The following ATG4A variants were observed in gnomAD, a reference collection of about 807,000 sequenced individuals.
ATG4A encodes the protein autophagy related 4A cysteine peptidase, also known as cysteine protease ATG4A.
ATG4A carries 22 observed loss-of-function variants against 38.4 expected under a neutral mutation model. That is an observed-to-expected ratio of 0.57 (90% confidence interval 0.41 to 0.82). The LOEUF is 0.82. Ranked by LOEUF, ATG4A falls within the 40% of genes least tolerant of loss-of-function variation. The pLI is 0.00. For missense variants in ATG4A, 220 were observed against 290.0 expected, an observed-to-expected ratio of 0.76 and a Z score of 1.75; for synonymous variants, 86 against 100.7, an observed-to-expected ratio of 0.85 and a Z score of 0.88.
At chrX:108,124,441 T>A (rs1360017355) in intron 1 of ATG4A, among the ~76,000 whole-genome samples, 1 of 111,821 alleles carries the variant, frequency 8.9e-6, no homozygotes, top group African/African-American at 3.2e-5. Flanking sequence ...CAGTGTTTCT[T>A]TTTCTTTTTC....
upstream of ATG4A, chrX:108,091,692 C>G: frequency 1.0e-6 from 1 of 972,281 alleles, no homozygotes; most frequent in South Asian, 2.0e-5. Flanking sequence ...AGAGCAGTTC[C>G]GGGCAGGGAG....
chrX:108,100,565 T>C (rs549987509), intron 1 of ATG4A, among the ~76,000 whole-genome samples: 2 of 111,349 alleles, frequency 1.8e-5, no homozygotes, highest in African/African-American at 6.5e-5. Flanking sequence ...GTAGTTTTTT[T>C]TGAAGTTTAG....
rs1339484821 is a variant in ATG4A at position 108,125,625 on chromosome X, C to A, written c.11-452C>A. ...CCATATACACAGGTGTACAAACATT[C>A]AGGCTTGTCACAGCACCTTCCAAGC... On this transcript the variant is annotated intron_variant, in intron 1 of 12. Coordinates refer to ENST00000372232, the MANE Select transcript of ATG4A (RefSeq NM_052936.5). 2.7e-5 allele frequency among the ~76,000 whole-genome samples: 3 copies of A among 111,756 alleles called. No homozygotes were observed. In the Admixed American group the frequency reaches 2.8e-4, roughly 11 times the overall value.
In ATG4A at chrX:108,100,824, T is replaced by A. The variant is rs190530296; in HGVS notation, c.10+8988T>A. On this transcript the variant is annotated intron_variant, in intron 1 of 12. Transcript: ENST00000372232. ...CATATTTGCTGGGGATATTTGCTTC[T>A]ATTCATGAATGATATTGGCTTGCAA... is the stretch of plus-strand genomic sequence containing the variant. Among the ~76,000 whole-genome samples the A allele has an allele frequency of 7.3e-4, 82 of 111,901 alleles. 2 individuals carry two copies. The East Asian group carries it at 0.021, about 29-fold the overall frequency.
At chrX:108,137,716 T>A (rs2033142205) in intron 7 of ATG4A, 88 bp from the exon 8 acceptor site, 3 of 941,970 alleles carry the variant, frequency 3.2e-6, no homozygotes, top group East Asian at 6.4e-5. Context: ...GTGGGGGGCA[T>A]GTGAGGTTCC....
intron 9 of ATG4A, among the ~76,000 whole-genome samples, chrX:108,143,390 G>A (rs191486528): frequency 1.4e-4 from 16 of 111,291 alleles, no homozygotes; most frequent in Non-Finnish European, 2.5e-4. Context: ...GGTCTGGGCC[G>A]TTTGTAGTCC....
rs372156541 is a variant in ATG4A at position 108,150,349 on chromosome X, T to A, written c.960+52T>A. On this transcript the variant is annotated intron_variant, in intron 10 of 12. Transcript: ENST00000372232. ...AGGAGATACGATGTGTACAGATTGG[T>A]TCCCTGGGAGTTATCCAGATTGCTA... The A allele has an allele frequency of 1.4e-5, 17 of 1,190,931 alleles. No individual in the cohort carries two copies. In the African/African-American group the frequency reaches 2.8e-4, roughly 20 times the overall value.
intron 1 of ATG4A, among the ~76,000 whole-genome samples, chrX:108,124,840 AAAT>A (rs1304187835): frequency 1.8e-5 from 2 of 112,068 alleles, no homozygotes; most frequent in African/African-American, 6.5e-5. Flanking sequence ...AGAAAACAAA[AAAT>A]AAAATAAAAC....
chrX:108,132,368 C>T (rs1017184803), intron 4 of ATG4A, among the ~76,000 whole-genome samples: 1 of 112,099 alleles, frequency 8.9e-6, no homozygotes, highest in Non-Finnish European at 1.9e-5. Context: ...GGCTGCTGAA[C>T]TCATTGGCTG....
chrX:108,123,743 C>T (rs939447277), intron 1 of ATG4A, among the ~76,000 whole-genome samples: 1 of 111,748 alleles, frequency 8.9e-6, no homozygotes, highest in African/African-American at 3.3e-5. Context: ...TCTTTGGCTG[C>T]CATTTTGATC....
At chrX:108,112,857 T>G (rs982040055) in intron 1 of ATG4A, among the ~76,000 whole-genome samples, 25 of 111,355 alleles carry the variant, frequency 2.2e-4, no homozygotes, top group Non-Finnish European at 5.7e-5. Context: ...CCCCGAACAT[T>G]TAGTCTGTGT....
intron 6 of ATG4A, among the ~76,000 whole-genome samples, chrX:108,134,834 G>T (rs942298851): frequency 1.8e-5 from 2 of 111,891 alleles, no homozygotes; most frequent in African/African-American, 6.5e-5. Flanking sequence ...TGTTCATTCA[G>T]CATTTTCTGT....
chrX:108,096,635 A>G (rs2031828782), intron 1 of ATG4A, among the ~76,000 whole-genome samples: 1 of 111,317 alleles, frequency 9.0e-6, no homozygotes, highest in African/African-American at 3.3e-5. Context: ...GTCTTCTTTT[A>G]TAAACAGTAT....
At chrX:108,142,432 GCCAGAAC>G in intron 9 of ATG4A, among the ~76,000 whole-genome samples, 1 of 109,381 alleles carries the variant, frequency 9.1e-6, no homozygotes, top group African/African-American at 3.3e-5. Flanking sequence ...TCTCTAGAGG[GCCAGAAC>G]TAATGGAATA....
At chrX:108,127,835 G>A (rs1318542358) in intron 2 of ATG4A, among the ~76,000 whole-genome samples, 1 of 111,877 alleles carries the variant, frequency 8.9e-6, no homozygotes, top group Non-Finnish European at 1.9e-5. Flanking sequence ...AAGAAAGACA[G>A]CCACATCTAA....
At chrX:108,151,410 T>C (rs1307795035) in intron 10 of ATG4A, among the ~76,000 whole-genome samples, 4 of 112,553 alleles carry the variant, frequency 3.6e-5, no homozygotes, top group African/African-American at 1.3e-4. Flanking sequence ...AATGCCATCT[T>C]CTTAAGTATT....
rs764807813 is a variant in ATG4A at position 108,128,769 on chromosome X, A to G, written c.122-12A>G. On this transcript the variant is annotated splice_polypyrimidine_tract_variant and intron_variant, in intron 2 of 12. Transcript: ENST00000372232. ...TATGGTGATTTAATTTTAATTTTAC[A>G]TTTAATTACAGAAAAATCTAAGCTG... is the stretch of plus-strand genomic sequence containing the variant. 2 of 1,133,751 alleles carry G rather than the reference A, an allele frequency of 1.8e-6. No homozygotes were observed. The highest frequency in any genetic ancestry group is 2.7e-5 in the Admixed American group (1 of 37,678). 93.4% of individuals were successfully genotyped at this position (1,133,751 alleles called of 1,213,427 possible). A position where few individuals can be genotyped will look rare whatever the true frequency, so the allele number is the denominator to read the frequency against.
At chrX:108,096,461 C>G (rs747283304) in intron 1 of ATG4A, among the ~76,000 whole-genome samples, 1 of 111,527 alleles carries the variant, frequency 9.0e-6, no homozygotes, top group Non-Finnish European at 1.9e-5. Flanking sequence ...AAATACTTCT[C>G]TAGTTGATTA....
intron 1 of ATG4A, among the ~76,000 whole-genome samples, chrX:108,124,254 T>A (rs968318360): frequency 2.7e-5 from 3 of 111,752 alleles, no homozygotes; most frequent in African/African-American, 9.8e-5. Context: ...CTGTCAGATT[T>A]GGTAGTGATG....
Sources: allele counts gnomAD v4.1 joint callset (sites outside exome capture counted in the v4.1 genomes callset), GRCh38; gene constraint gnomAD v4.1.1; transcripts MANE v1.5; gene names NCBI Gene and HGNC (gene_info 2026-07-23, HGNC 2026-07-21).